The following PKP4 variants were observed in gnomAD, a reference collection of about 807,000 sequenced individuals.
PKP4 encodes plakophilin-4.
Under a neutral mutation model 145.1 loss-of-function variants are expected in PKP4, and 90 were observed. The ratio of observed to expected loss-of-function variants is 0.62; its 90% CI spans 0.52 to 0.74. The LOEUF (loss-of-function observed/expected upper bound fraction) is 0.74. PKP4 is among the 30% of genes least tolerant of loss of function. PKP4 has a pLI of 0.00. For synonymous variants in PKP4, 563 were observed against 577.2 expected (o/e 0.98, Z 0.35); for missense variants, 1,340 against 1,482.7 (o/e 0.90, Z 1.58).
At chr2:158,602,711 C>T (rs1051787568) in intron 3 of PKP4, among the ~76,000 whole-genome samples, 1 of 152,112 alleles carries the variant, frequency 6.6e-6, no homozygotes, top group Non-Finnish European at 1.5e-5. Flanking sequence ...AACTGTTTAA[C>T]AGCCTTTTTG....
At chr2:158,477,109 C>T (rs1692600679) in intron 1 of PKP4, among the ~76,000 whole-genome samples, 2 of 151,970 alleles carry the variant, frequency 1.3e-5, no homozygotes, top group Non-Finnish European at 2.9e-5. Context: ...TAGTTTATGA[C>T]TGCCTTGAAG....
chr2:158,540,026 C>T (rs1392206295), intron 2 of PKP4, among the ~76,000 whole-genome samples: 4 of 152,132 alleles, frequency 2.6e-5, no homozygotes, highest in African/African-American at 9.7e-5. Flanking sequence ...AAGAAGTTGT[C>T]CTTCTCAACA....
chr2:158,674,696 T>G (rs922295144), intron 19 of PKP4, among the ~76,000 whole-genome samples: 18 of 152,250 alleles, frequency 1.2e-4, no homozygotes, highest in African/African-American at 4.3e-4. Flanking sequence ...TTTTTTTACA[T>G]GTAAGGGCAG....
At chr2:158,578,196 A>G in intron 3 of PKP4, 1 of 248,702 alleles carries the variant, frequency 4.0e-6, no homozygotes, top group South Asian at 4.8e-5. Context: ...GGGCAAAAAA[A>G]CTTCTTAGTG....
intron 16 of PKP4, among the ~76,000 whole-genome samples, chr2:158,667,175 G>A (rs1346316764): frequency 7.2e-5 from 11 of 152,132 alleles, no homozygotes; most frequent in African/African-American, 1.4e-4. Context: ...TGTACGCTCC[G>A]CACCCCAGGC....
Position 158,631,913 on chromosome 2 carries a change from G to C in PKP4, c.1314G>C (p.Ser438=). The C allele has an allele frequency of 6.2e-7, 1 of 1,613,972 alleles. No homozygotes were observed. The highest frequency in any genetic ancestry group is 8.5e-7 in the Non-Finnish European group (1 of 1,179,994). ...ATGGAACTGTGGAGCTCCAAGGATC[G>C]CAGACGGCGTTGTATCGCACAGGTT... is the stretch of plus-strand genomic sequence containing the variant. ...PNHGTVELQG[S]QTALYRTGSV... is the part of the protein sequence containing the mutation. Residue 438 remains serine (S), a synonymous_variant, in exon 8 of 22, where the codon TCG becomes TCC. Transcript: ENST00000389759.
In PKP4 at chr2:158,655,944, C is replaced by T. The variant is rs17230066; in HGVS notation, c.1910-2187C>T. Among the ~76,000 whole-genome samples, 97 of 152,344 alleles carry T rather than the reference C, an allele frequency of 6.4e-4. 1 individual carries two copies. The Middle Eastern group carries it at 0.017, about 27-fold the overall frequency. On this transcript the variant is annotated intron_variant, in intron 11 of 21. Transcript: ENST00000389759. ...CCTCTCCTGCTATGCCTTGACCCAACTCTGTCTTCTGTTTTCACTCCCTTG... is the reference window on the plus strand; with the variant it reads ...CCTCTCCTGCTATGCCTTGACCCAATTCTGTCTTCTGTTTTCACTCCCTTG...
chr2:158,612,076 A>C (rs1178670898), intron 4 of PKP4, among the ~76,000 whole-genome samples: 1 of 151,764 alleles, frequency 6.6e-6, no homozygotes, highest in East Asian at 1.9e-4. Flanking sequence ...CCTTCATTCC[A>C]ACATGTTCCC....
intron 1 of PKP4, among the ~76,000 whole-genome samples, chr2:158,484,601 A>G (rs1693896300): frequency 6.6e-6 from 1 of 152,228 alleles, no homozygotes; most frequent in Admixed American, 6.5e-5. Context: ...ATACACGTAG[A>G]TGACTTTCTC....
intron 2 of PKP4, among the ~76,000 whole-genome samples, chr2:158,551,051 C>T (rs1342777334): frequency 6.6e-6 from 1 of 152,136 alleles, no homozygotes; most frequent in Non-Finnish European, 1.5e-5. Context: ...TTTACAAATA[C>T]AGTTACTTAG....
chr2:158,501,085 C>G (rs546018261), intron 1 of PKP4, among the ~76,000 whole-genome samples: 1 of 152,300 alleles, frequency 6.6e-6, no homozygotes, highest in African/African-American at 2.4e-5. Context: ...ATCTTGGAAA[C>G]TCCCTAAGGA....
intron 1 of PKP4, among the ~76,000 whole-genome samples, chr2:158,480,426 A>T (rs1421716239): frequency 6.6e-6 from 1 of 151,872 alleles, no homozygotes. Context: ...TAGTAGAGAC[A>T]AGGTTTCACC....
At chr2:158,663,588 AG>A (rs2056811079) in intron 15 of PKP4, 143 bp downstream of exon 15, 1 of 652,254 alleles carries the variant, frequency 1.5e-6, no homozygotes, top group Non-Finnish European at 2.7e-6. Context: ...AAGGGGTTAA[AG>A]GGAAAAAAGG....
chr2:158,596,046 A>G (rs1284693735), intron 3 of PKP4, among the ~76,000 whole-genome samples: 1 of 150,254 alleles, frequency 6.7e-6, no homozygotes, highest in Non-Finnish European at 1.5e-5. Flanking sequence ...TTTTTAACTT[A>G]GAAATAGACC....
intron 4 of PKP4, among the ~76,000 whole-genome samples, chr2:158,607,081 A>G (rs770215837): frequency 2.5e-4 from 38 of 152,298 alleles, no homozygotes; most frequent in Non-Finnish European, 5.0e-4. Flanking sequence ...CAGGAAGAAA[A>G]TTATTTAAAG....
In PKP4 at chr2:158,496,610, T is replaced by C. The variant is rs536649567; in HGVS notation, c.-5-36570T>C. The stretch of plus-strand genomic sequence containing the variant: ...AATTTCTTGCTTTTAACCAGAATCT[T>C]GTCTTTTGTCTCTCCAGAATTCAGC... On this transcript the variant is annotated intron_variant, in intron 1 of 21. Coordinates refer to ENST00000389759, the MANE Select transcript of PKP4 (RefSeq NM_003628.6). Among the ~76,000 whole-genome samples, 4 of 152,354 alleles carry C rather than the reference T, an allele frequency of 2.6e-5. No individual in the cohort carries two copies. The East Asian group carries it at 7.7e-4, about 29-fold the overall frequency.
intron 1 of PKP4, among the ~76,000 whole-genome samples, chr2:158,494,402 T>C (rs956425238): frequency 6.6e-6 from 1 of 152,210 alleles, no homozygotes. Flanking sequence ...TGCAATGATA[T>C]GAATAAATAA....
At chr2:158,622,687 A>G (rs2052369118) in intron 6 of PKP4, among the ~76,000 whole-genome samples, 1 of 152,174 alleles carries the variant, frequency 6.6e-6, no homozygotes, top group South Asian at 2.1e-4. Context: ...TATTAAACAC[A>G]AATATAACAT....
chr2:158,571,494 C>G (rs2047404552), intron 2 of PKP4, among the ~76,000 whole-genome samples: 1 of 152,036 alleles, frequency 6.6e-6, no homozygotes, highest in Non-Finnish European at 1.5e-5. Flanking sequence ...CTTTGAGGCA[C>G]CTTGGGTTTG....
Sources: gnomAD v4.1 joint callset for allele counts (sites outside exome capture counted in the v4.1 genomes callset) on GRCh38, gnomAD v4.1.1 for gene constraint, MANE v1.5 for transcripts, NCBI Gene and HGNC (gene_info 2026-07-23, HGNC 2026-07-21) for gene names.